HEATR1: variants seen among roughly 807,000 people sequenced by gnomAD.
The protein encoded by HEATR1 is HEAT repeat containing 1.
A neutral mutation model predicts 248.2 loss-of-function variants in HEATR1; 77 were observed. The observed-to-expected ratio is 0.31, with a 90% CI of 0.26 to 0.37. The LOEUF (loss-of-function observed/expected upper bound fraction) is 0.37, where lower values mean the gene tolerates loss of function less well. HEATR1 is among the 10% of genes least tolerant of loss of function. The pLI is 1.00. For synonymous variants in HEATR1, 897 were observed against 923.1 expected (o/e 0.97, Z 0.51); for missense variants, 2,420 against 2,504.9 (o/e 0.97, Z 0.72).
intron 41 of HEATR1, 37 bp downstream of exon 41, chr1:236,555,259 G>C: frequency 1.2e-6 from 2 of 1,605,900 alleles, no homozygotes; most frequent in Non-Finnish European, 1.7e-6. Context: ...AAGGCACACA[G>C]GGCAAGGGTG....
At position 236,549,662 on chromosome 1, in the gene HEATR1, G is replaced by A. The variant is rs531661432; in HGVS notation, c.*1240C>T. Reference sequence around the variant, plus strand: ...GGAGGGTGCCACAGGGAAAGCTGTAGAAGGCAAGAAGACTCGAGAATCCCC... The same window carrying A: ...GGAGGGTGCCACAGGGAAAGCTGTAAAAGGCAAGAAGACTCGAGAATCCCC... On this transcript the variant is annotated 3_prime_UTR_variant, in exon 45 of 45. Coordinates refer to ENST00000366582, the MANE Select transcript of HEATR1 (RefSeq NM_018072.6). 1 of 152,248 alleles carries A rather than the reference G, an allele frequency of 6.6e-6. No homozygotes were observed. The highest frequency in any genetic ancestry group is 1.5e-5 in the Non-Finnish European group (1 of 68,038). The allele number at this position is 152,248 out of a possible 1,614,324, so 9.4% of individuals were successfully genotyped here.
chr1:236,576,517 A>G lies in HEATR1; in HGVS notation c.2926-140T>C, dbSNP rs1663565312. On this transcript the variant is annotated intron_variant, in intron 21 of 44. Transcript: ENST00000366582. ...TTTCTCCTTAAAACCTTAATAAGAA[A>G]CGTTATTAAAAACACACAGCTGGCT... The G allele has an allele frequency of 9.6e-6, 7 of 727,132 alleles. No individual in the cohort carries two copies. In the South Asian group the frequency reaches 1.6e-4, roughly 16 times the overall value. The allele number at this position is 727,132 out of a possible 1,614,324, so 45.0% of individuals were successfully genotyped here.
Position 236,576,350 on chromosome 1 carries a change from G to C in HEATR1, c.2953C>G (p.Gln985Glu), listed in dbSNP as rs781760286. ...TGAGATTTCAGTTTCTTTTCTCTCTGTAGTTCCTCAAATAAAGTAGCCAAA... is the reference window on the plus strand; with the variant it reads ...TGAGATTTCAGTTTCTTTTCTCTCTCTAGTTCCTCAAATAAAGTAGCCAAA... The part of the protein sequence containing the change: ...QDLATLFEEL[Q>E]REKKLKSHQK... Residue 985 changes from glutamine (Q) to glutamate (E), a missense_variant, in exon 22 of 45, where the codon CAG (glutamine) becomes GAG (glutamate). Gln to Glu is a conservative substitution (Grantham distance 29). Transcript: ENST00000366582. The C allele has an allele frequency of 1.3e-6, 2 of 1,596,252 alleles. No homozygotes were observed. Among genetic ancestry groups the C allele is most frequent in the Admixed American group, 3.6e-5 (2 of 55,036 alleles).
chr1:236,554,430 A>G (rs1456634934), intron 42 of HEATR1, among the ~76,000 whole-genome samples, 168 bp downstream of exon 42: 2 of 152,252 alleles, frequency 1.3e-5, no homozygotes, highest in Non-Finnish European at 2.9e-5. Context: ...CAATGAAGTT[A>G]TATCTTTGAA....
chr1:236,581,466 G>A, intron 19 of HEATR1, 52 bp from the exon 20 acceptor site: 7 of 1,310,198 alleles, frequency 5.3e-6, no homozygotes, highest in Non-Finnish European at 7.2e-6. Context: ...AAATAAGCTG[G>A]TTCCAAATCC....
chr1:236,592,389 CG>C (rs1435891561), intron 10 of HEATR1, 133 bp downstream of exon 10: 2 of 610,516 alleles, frequency 3.3e-6, no homozygotes, highest in Non-Finnish European at 5.9e-6. Flanking sequence ...TTCCGATACT[CG>C]CCCCTTCTTG....
intron 5 of HEATR1, 141 bp downstream of exon 5, chr1:236,597,737 C>T (rs1664215348): frequency 5.7e-6 from 3 of 526,834 alleles, no homozygotes; most frequent in Non-Finnish European, 9.9e-6. Context: ...CAAACTGCTC[C>T]TGCTTCAAAA....
chr1:236,604,131 A>C lies in HEATR1; in HGVS notation c.-32-4T>G. ...AGCGGAGTTTTAATGACACGGGCTA[A>C]AAAAACGTAAGCACTTTGATAAGTT... On this transcript the variant is annotated splice_polypyrimidine_tract_variant and splice_region_variant and intron_variant, in intron 1 of 44. Transcript: ENST00000366582. The C allele has an allele frequency of 5.2e-6, 8 of 1,536,658 alleles. No individual in the cohort carries two copies. In the Middle Eastern group the frequency reaches 7.3e-4, roughly 140 times the overall value.
At position 236,603,220 on chromosome 1, in the gene HEATR1, T is replaced by C; in HGVS notation, c.299A>G (p.His100Arg). ...LDENISLFLI[H>R]LSPYFLLKPA... ...CTTAAGCAGGAAGTAAGGCGACAAG[T>C]GAATAAGGAATAATGAAATGTTTTC... The change falls in exon 3 of 45, where the codon CAC becomes CGC. Residue 100 changes from histidine to arginine, a missense_variant. By Grantham distance (29) the His-to-Arg change is conservative. Transcript: ENST00000366582. 2 of 1,614,088 alleles carry C rather than the reference T, an allele frequency of 1.2e-6. No homozygotes were observed. Among genetic ancestry groups the C allele is most frequent in the South Asian group, 2.2e-5 (2 of 91,074 alleles).
chr1:236,581,033 T>A (rs1005225419), intron 20 of HEATR1, among the ~76,000 whole-genome samples, 189 bp downstream of exon 20: 6 of 151,904 alleles, frequency 3.9e-5, no homozygotes, highest in Admixed American at 3.9e-4. Flanking sequence ...TTGCCCAGGA[T>A]GGTCTTGATC....
At chr1:236,552,148 A>AT in intron 43 of HEATR1, 41 bp from the exon 44 acceptor site, 2 of 1,318,766 alleles carry the variant, frequency 1.5e-6, no homozygotes, top group Non-Finnish European at 2.2e-6. Context: ...AAGTAGTGTT[A>AT]CTGTATTTAT....
In HEATR1 at chr1:236,566,021, C is replaced by G; in HGVS notation, c.4333G>C (p.Glu1445Gln). The change falls in exon 31 of 45, where the codon GAA becomes CAA. Residue 1445 changes from glutamate to glutamine, a missense_variant. Transcript: ENST00000366582. ...EKDAILEADTEFWFSVCCEFS... is the reference protein window; with the variant it reads ...EKDAILEADTQFWFSVCCEFS... Reference sequence around the variant, plus strand: ...TCACAACAGACTGAAAACCAAAATTCAGTGTCTGCTTCTAAAATAGCATCC... The same window carrying G: ...TCACAACAGACTGAAAACCAAAATTGAGTGTCTGCTTCTAAAATAGCATCC... The G allele has an allele frequency of 1.2e-6, 2 of 1,613,762 alleles. No individual in the cohort carries two copies. The highest frequency in any genetic ancestry group is 1.7e-6 in the Non-Finnish European group (2 of 1,179,906).
chr1:236,583,706 C>G (rs778565236), intron 17 of HEATR1, among the ~76,000 whole-genome samples: 1 of 151,916 alleles, frequency 6.6e-6, no homozygotes, highest in Admixed American at 6.6e-5. Context: ...AGGTTGGTCT[C>G]GAACTCCTGT....
chr1:236,576,434 A>G, intron 21 of HEATR1, 57 bp from the exon 22 acceptor site: 1 of 1,257,428 alleles, frequency 8.0e-7, no homozygotes, highest in Non-Finnish European at 1.1e-6. Context: ...CAAAGGCTAA[A>G]TATATTAATT....
At chr1:236,560,923 A>G (rs1281448161) in intron 33 of HEATR1, among the ~76,000 whole-genome samples, 2 of 152,234 alleles carry the variant, frequency 1.3e-5, no homozygotes, top group African/African-American at 4.8e-5. Context: ...AGACTGGAGT[A>G]TGAACTGTAG....
chr1:236,588,561 T>C (rs1572049635), intron 12 of HEATR1, among the ~76,000 whole-genome samples: 1 of 152,336 alleles, frequency 6.6e-6, no homozygotes, highest in Non-Finnish European at 1.5e-5. Context: ...CACATAGTAC[T>C]GTTAAAAGCT....
At chr1:236,572,645 G>T in intron 25 of HEATR1, 80 bp downstream of exon 25, 1 of 1,593,354 alleles carries the variant, frequency 6.3e-7, no homozygotes, top group Non-Finnish European at 8.6e-7. Flanking sequence ...AAATTGATGA[G>T]TATCAAAAAG....
chr1:236,588,501 G>C (rs1391597829), intron 12 of HEATR1, among the ~76,000 whole-genome samples: 1 of 152,112 alleles, frequency 6.6e-6, no homozygotes, highest in Non-Finnish European at 1.5e-5. Context: ...TACCTGCAAG[G>C]GTTGTTAGAA....
In HEATR1 at chr1:236,585,020, C is replaced by T; in HGVS notation, c.2241+5G>A. On this transcript the variant is annotated splice_donor_5th_base_variant and intron_variant, in intron 17 of 44. Coordinates refer to ENST00000366582, the MANE Select transcript of HEATR1 (RefSeq NM_018072.6). ...CCCACTTTCTGGAGATTCTGCTTTC[C>T]TTACCACTGCAGTAATGACACTTTC... 6.2e-7 allele frequency: 1 copy of T among 1,607,430 alleles called. No individual in the cohort carries two copies. Among genetic ancestry groups the T allele is most frequent in the Non-Finnish European group, 8.5e-7 (1 of 1,177,536 alleles).
Sources: gnomAD v4.1 joint callset for allele counts (sites outside exome capture counted in the v4.1 genomes callset) on GRCh38, gnomAD v4.1.1 for gene constraint, MANE v1.5 for transcripts, NCBI Gene and HGNC (gene_info 2026-07-23, HGNC 2026-07-21) for gene names.